The following ADAM9 variants were observed in gnomAD, a reference collection of about 807,000 sequenced individuals.
ADAM9 encodes disintegrin and metalloproteinase domain-containing protein 9.
A neutral mutation model predicts 108.1 loss-of-function variants in ADAM9; 54 were observed. That is an observed-to-expected ratio of 0.50 (90% CI 0.40 to 0.63). ADAM9 has a LOEUF of 0.63. Ranked by LOEUF, ADAM9 falls within the 20% of genes least tolerant of loss-of-function variation. The pLI is 0.00. For synonymous variants in ADAM9, 316 were observed against 336.0 expected (o/e 0.94, Z 0.65); for missense variants, 830 against 997.7 (o/e 0.83, Z 2.26).
intron 1 of ADAM9, among the ~76,000 whole-genome samples, chr8:39,002,919 C>T (rs1836049309): frequency 6.6e-6 from 1 of 152,064 alleles, no homozygotes; most frequent in Admixed American, 6.5e-5. Flanking sequence ...CTCACTGCAA[C>T]CTCCCCCTCC....
At chr8:39,010,141 A>G (rs1255211281) in intron 2 of ADAM9, among the ~76,000 whole-genome samples, 1 of 152,024 alleles carries the variant, frequency 6.6e-6, no homozygotes, top group Non-Finnish European at 1.5e-5. Context: ...TTTAGTAAAG[A>G]CTAGAAGGAG....
At chr8:39,024,670 G>A (rs566530149) in intron 9 of ADAM9, among the ~76,000 whole-genome samples, 3 of 152,116 alleles carry the variant, frequency 2.0e-5, no homozygotes, top group African/African-American at 7.2e-5. Context: ...TATTTATTGG[G>A]TGTATACCCC....
At chr8:39,054,277 T>C (rs1838045100) in intron 12 of ADAM9, among the ~76,000 whole-genome samples, 1 of 152,190 alleles carries the variant, frequency 6.6e-6, no homozygotes, top group Admixed American at 6.6e-5. Flanking sequence ...CTATATGATT[T>C]CTGTCCTTTG....
chr8:39,050,841 T>C (rs921701563), intron 12 of ADAM9, among the ~76,000 whole-genome samples: 1 of 150,078 alleles, frequency 6.7e-6, no homozygotes, highest in Non-Finnish European at 1.5e-5. Context: ...TTTTTTTTTT[T>C]TTTTTTTTTT....
At chr8:39,082,542 TTCTGCAATGA>T (rs1335346841) in intron 16 of ADAM9, 89 bp from the exon 17 acceptor site, 2 of 849,622 alleles carry the variant, frequency 2.4e-6, no homozygotes, top group Non-Finnish European at 3.7e-6. Flanking sequence ...TTTGAAAGAA[TTCTGCAATGA>T]AATAATCTGT....
intron 12 of ADAM9, among the ~76,000 whole-genome samples, chr8:39,045,942 G>A (rs1837757632): frequency 6.6e-6 from 1 of 151,614 alleles, no homozygotes; most frequent in Non-Finnish European, 1.5e-5. Flanking sequence ...TCTCATTGTG[G>A]TTTTAATATG....
chr8:39,016,017 A>G (rs1836513898), intron 4 of ADAM9, 101 bp from the exon 5 acceptor site: 4 of 1,086,262 alleles, frequency 3.7e-6, no homozygotes, highest in Non-Finnish European at 5.6e-6. Flanking sequence ...TGTTATTATT[A>G]AACTTGACTG....
In ADAM9 at chr8:39,101,979, G is replaced by A. The variant is rs4733905; in HGVS notation, c.2366+49G>A. ...TTTTTGGCCAGAATAAAACCTAGGG[G>A]TTAATGTCTAATAATTTCCCCTGTA... On this transcript the variant is annotated intron_variant, in intron 21 of 21. Coordinates refer to ENST00000487273, the MANE Select transcript of ADAM9 (RefSeq NM_003816.3). The A allele has an allele frequency of 0.28, 395,823 of 1,418,926 alleles. 56,473 individuals are homozygous for A. Among genetic ancestry groups the A allele is most frequent in the South Asian group, 0.32 (27,717 of 86,730 alleles). 87.9% of individuals were successfully genotyped at this position (1,418,926 alleles called of 1,614,324 possible).
At chr8:39,045,000 A>G (rs1156507446) in intron 12 of ADAM9, among the ~76,000 whole-genome samples, 1 of 141,702 alleles carries the variant, frequency 7.1e-6, no homozygotes, top group African/African-American at 2.7e-5. Flanking sequence ...GTGTGTGCAC[A>G]CATACCTATG....
chr8:39,065,501 A>T (rs544859214), intron 14 of ADAM9, among the ~76,000 whole-genome samples: 16 of 151,804 alleles, frequency 1.1e-4, no homozygotes, highest in Admixed American at 7.9e-4. Flanking sequence ...AAAAATACCA[A>T]ATAAAAAAAT....
intron 12 of ADAM9, 85 bp downstream of exon 12, chr8:39,042,202 A>T: frequency 6.8e-7 from 1 of 1,465,486 alleles, no homozygotes. Context: ...CAACTCTGAC[A>T]TAGGAGCTAA....
intron 16 of ADAM9, among the ~76,000 whole-genome samples, chr8:39,079,491 T>A (rs947542944): frequency 6.6e-6 from 1 of 152,192 alleles, no homozygotes; most frequent in Non-Finnish European, 1.5e-5. Context: ...TAGCTTGCCA[T>A]TTTTTGAGGC....
At chr8:39,012,409 C>G (rs1311814413) in intron 3 of ADAM9, among the ~76,000 whole-genome samples, 1 of 152,190 alleles carries the variant, frequency 6.6e-6, no homozygotes, top group Non-Finnish European at 1.5e-5. Flanking sequence ...GGATCTAGAA[C>G]TAGAAATACC....
intron 12 of ADAM9, among the ~76,000 whole-genome samples, chr8:39,044,852 GTA>G (rs756511976): frequency 4.6e-5 from 7 of 151,352 alleles, no homozygotes; most frequent in Non-Finnish European, 5.9e-5. Flanking sequence ...TGGGGTGTGT[GTA>G]TGTGTGTGTG....
At chr8:39,039,613 T>C (rs1396182400) in intron 11 of ADAM9, among the ~76,000 whole-genome samples, 1 of 152,242 alleles carries the variant, frequency 6.6e-6, no homozygotes, top group Admixed American at 6.5e-5. Flanking sequence ...CACTTCTTTT[T>C]TTAGATTCCA....
At chr8:39,011,352 G>A (rs1038585205) in intron 2 of ADAM9, among the ~76,000 whole-genome samples, 7 of 152,158 alleles carry the variant, frequency 4.6e-5, no homozygotes, top group Admixed American at 2.0e-4. Flanking sequence ...TCTTTGTACT[G>A]TAGGTAATAC....
intron 11 of ADAM9, among the ~76,000 whole-genome samples, chr8:39,027,738 G>A (rs935929421): frequency 1.3e-5 from 2 of 152,038 alleles, no homozygotes; most frequent in African/African-American, 2.4e-5. Flanking sequence ...TAGTTCGTAC[G>A]TGTGTAGATG....
At chr8:39,091,077 A>T (rs1839339178) in intron 19 of ADAM9, among the ~76,000 whole-genome samples, 182 bp from the exon 20 acceptor site, 1 of 152,240 alleles carries the variant, frequency 6.6e-6, no homozygotes, top group Non-Finnish European at 1.5e-5. Context: ...TTCTAATACC[A>T]TAAGGATTAA....
intron 11 of ADAM9, among the ~76,000 whole-genome samples, chr8:39,037,416 G>T (rs1253401153): frequency 6.8e-6 from 1 of 146,196 alleles, no homozygotes; most frequent in Non-Finnish European, 1.5e-5. Context: ...TATTTATGTA[G>T]TATATATATT....
Sources: allele counts gnomAD v4.1 joint callset (sites outside exome capture counted in the v4.1 genomes callset), GRCh38; gene constraint gnomAD v4.1.1; transcripts MANE v1.5; gene names NCBI Gene and HGNC (gene_info 2026-07-23, HGNC 2026-07-21).